Variants in ISL2 observed in about 807,000 individuals in gnomAD.
ISL2 encodes the protein ISL LIM homeobox 2.
Under a neutral mutation model 34.6 loss-of-function variants are expected in ISL2, and 17 were observed. The ratio of observed to expected loss-of-function variants is 0.49; its 90% CI spans 0.34 to 0.74. The LOEUF is 0.74. Among genes scored for constraint, ISL2 ranks in the 30% least tolerant of loss-of-function variants. The probability of loss-of-function intolerance (pLI) is 0.01; values close to 1 mark genes in which losing one functional copy is unlikely to be tolerated. For synonymous variants in ISL2, 232 were observed against 225.5 expected, an observed-to-expected ratio of 1.03 and a Z score of -0.26; for missense variants, 469 against 515.2, an observed-to-expected ratio of 0.91 and a Z score of 0.87.
Position 76,336,889 on chromosome 15 carries a change from G to A in ISL2, c.6G>A (p.Val2=). Residue 2 remains valine, a synonymous_variant, in exon 1 of 6, where the codon GTG becomes GTA. Coordinates refer to ENST00000290759, the MANE Select transcript of ISL2 (RefSeq NM_145805.3). ...GCGCACATCTCTTTTTCTGCATGGT[G>A]GATATTATTTTTCATTATCCTTTTC... M[V]DIIFHYPFLG... is the part of the protein sequence containing the mutation. 1.9e-6 allele frequency: 3 copies of A among 1,613,172 alleles called. No individual in the cohort carries two copies. The highest frequency in any genetic ancestry group is 2.5e-6 in the Non-Finnish European group (3 of 1,179,132).
chr15:76,340,095 A>C, intron 3 of ISL2, 181 bp from the exon 4 acceptor site: 1 of 1,408,564 alleles, frequency 7.1e-7, no homozygotes, highest in Non-Finnish European at 9.2e-7. Flanking sequence ...AAAGAACGAA[A>C]ATGCACAGCT....
rs2040199062 is a variant in ISL2 at position 76,342,095 on chromosome 15, C to CCT, written c.*264_*265dup. 1 of 338,942 alleles carries CCT rather than the reference C, an allele frequency of 3.0e-6. No individual in the cohort carries two copies. Among genetic ancestry groups the CCT allele is most frequent in the Non-Finnish European group, 5.4e-6 (1 of 183,926 alleles). 21.0% of individuals were successfully genotyped at this position (338,942 alleles called of 1,614,324 possible). ...TGGGACTTACCAGGGTTAGCTCTGC[C>CCT]CTCTCCTCTCCTCTCTACGTGGCCG... On this transcript the variant is annotated 3_prime_UTR_variant, in exon 6 of 6. Transcript: ENST00000290759.
At position 76,341,125 on chromosome 15, in the gene ISL2, G is replaced by A. The variant is rs770560245; in HGVS notation, c.796-9G>A. On this transcript the variant is annotated splice_polypyrimidine_tract_variant and intron_variant, in intron 4 of 5. Coordinates refer to ENST00000290759, the MANE Select transcript of ISL2 (RefSeq NM_145805.3). ...CTCGAGCACCTACTGCCTTCTGCTT[G>A]CCCCGCAGAGCCTTCAGGGACTGAC... The A allele has an allele frequency of 1.9e-6, 3 of 1,555,240 alleles. No homozygotes were observed. In the South Asian group the frequency reaches 3.6e-5, roughly 19 times the overall value.
chr15:76,341,794 GAC>G lies in ISL2; in HGVS notation c.1042_1043del (p.Thr348ProfsTer147). On this transcript the variant is annotated frameshift_variant, in exon 6 of 6. Transcript: ENST00000290759. LOFTEE classifies it high-confidence loss of function. ...DVTSLSSQLP[D>X]TPNSMVPSPV... ...GACCTCCCTGTCCTCGCAGCTCCCG[GAC>G]ACCCCCAACAGTATGGTGCCGAGTC... 1 of 1,613,816 alleles carries G rather than the reference GAC, an allele frequency of 6.2e-7. No homozygotes were observed. Among genetic ancestry groups the G allele is most frequent in the Non-Finnish European group, 8.5e-7 (1 of 1,180,010 alleles).
chr15:76,339,182 G>T (rs1266964787), intron 3 of ISL2: 1 of 985,262 alleles, frequency 1.0e-6, no homozygotes, highest in East Asian at 1.1e-4. Context: ...CTCCACCCCA[G>T]GCAAGGCAGT....
rs747168280 is a variant in ISL2 at position 76,336,893 on chromosome 15, A to G, written c.10A>G (p.Ile4Val). 6.2e-7 allele frequency: 1 copy of G among 1,613,004 alleles called. No homozygotes were observed. Among genetic ancestry groups the G allele is most frequent in the South Asian group, 1.1e-5 (1 of 91,064 alleles). Reference sequence around the variant, plus strand: ...ACATCTCTTTTTCTGCATGGTGGATATTATTTTTCATTATCCTTTTCTGGG... The same window carrying G: ...ACATCTCTTTTTCTGCATGGTGGATGTTATTTTTCATTATCCTTTTCTGGG... MVDIIFHYPFLGAM... is the reference protein window; with the variant it reads MVDVIFHYPFLGAM... Residue 4 changes from isoleucine (I) to valine (V), a missense_variant, in exon 1 of 6, where the codon ATT (isoleucine) becomes GTT (valine). Ile to Val is a conservative substitution (Grantham distance 29, BLOSUM62 3). Transcript: ENST00000290759.
In ISL2 at chr15:76,337,837, C is replaced by T. The variant is rs1395054476; in HGVS notation, c.118C>T (p.Leu40=). The change falls in exon 2 of 6, where the codon CTG becomes TTG. Residue 40 remains leucine (L), a synonymous_variant. Coordinates refer to ENST00000290759, the MANE Select transcript of ISL2 (RefSeq NM_145805.3). ...GAGTCAGATCCACGACCAGTTTATC[C>T]TGCGGGTGTCGCCCGACCTCGAGTG... is the stretch of plus-strand genomic sequence containing the variant. ...CGSQIHDQFI[L]RVSPDLEWHA... 9.9e-6 allele frequency: 16 copies of T among 1,612,292 alleles called. No individual in the cohort carries two copies. The highest frequency in any genetic ancestry group is 1.4e-5 in the Non-Finnish European group (16 of 1,179,480).
At chr15:76,337,733 T>TCC in intron 1 of ISL2, 45 bp from the exon 2 acceptor site, 1 of 1,494,630 alleles carries the variant, frequency 6.7e-7, no homozygotes, top group Non-Finnish European at 9.0e-7. Context: ...CCGGCCTGGG[T>TCC]CCGGGCAGTC....
chr15:76,338,116 G>C, intron 2 of ISL2, 136 bp from the exon 3 acceptor site: 4 of 1,359,654 alleles, frequency 2.9e-6, no homozygotes, highest in Non-Finnish European at 3.8e-6. Context: ...CCCGGGCCCG[G>C]GAATGCCCGC....
chr15:76,340,270 T>C lies in ISL2; in HGVS notation c.512-6T>C. 1 of 1,593,462 alleles carries C rather than the reference T, an allele frequency of 6.3e-7. No individual in the cohort carries two copies. Among genetic ancestry groups the C allele is most frequent in the East Asian group, 2.2e-5 (1 of 44,568 alleles). ...GCTAACCTCTGGCCTCACCCTGTCC[T>C]GGCAGACGCTGGGTCGGGCCGGCAG... On this transcript the variant is annotated splice_polypyrimidine_tract_variant and splice_region_variant and intron_variant, in intron 3 of 5. Transcript: ENST00000290759.
At chr15:76,340,088 G>C in intron 3 of ISL2, 188 bp from the exon 4 acceptor site, 2 of 1,405,804 alleles carry the variant, frequency 1.4e-6, no homozygotes, top group Non-Finnish European at 1.8e-6. Flanking sequence ...GCGAGAGAAA[G>C]AACGAAAATG....
intron 3 of ISL2, 59 bp from the exon 4 acceptor site, chr15:76,340,217 G>C: frequency 6.8e-7 from 1 of 1,476,576 alleles, no homozygotes. Context: ...CGGAGGTTGG[G>C]CTCGGGGCGG....
intron 3 of ISL2, chr15:76,339,464 A>T: frequency 1.0e-6 from 1 of 985,586 alleles, no homozygotes; most frequent in Non-Finnish European, 1.2e-6. Flanking sequence ...GCGGGTATTC[A>T]GTGCACCCCC....
chr15:76,340,268 C>A lies in ISL2; in HGVS notation c.512-8C>A. 3.1e-6 allele frequency: 5 copies of A among 1,591,434 alleles called. No individual in the cohort carries two copies. The highest frequency in any genetic ancestry group is 4.3e-6 in the Non-Finnish European group (5 of 1,171,304). On this transcript the variant is annotated splice_polypyrimidine_tract_variant and splice_region_variant and intron_variant, in intron 3 of 5. Transcript: ENST00000290759. ...TCGCTAACCTCTGGCCTCACCCTGTCCTGGCAGACGCTGGGTCGGGCCGGC... is the reference window on the plus strand; with the variant it reads ...TCGCTAACCTCTGGCCTCACCCTGTACTGGCAGACGCTGGGTCGGGCCGGC...
rs888237494 is a variant in ISL2 at position 76,341,977 on chromosome 15, G to A, written c.*142G>A. On this transcript the variant is annotated 3_prime_UTR_variant, in exon 6 of 6. Coordinates refer to ENST00000290759, the MANE Select transcript of ISL2 (RefSeq NM_145805.3). The stretch of plus-strand genomic sequence containing the variant: ...TTTATGAGAGAGTACCGAGAGACAC[G>A]GTCTGGACAGCCCAAGGCGCCAGGA... 3 of 651,302 alleles carry A rather than the reference G, an allele frequency of 4.6e-6. No homozygotes were observed. Among genetic ancestry groups the A allele is most frequent in the African/African-American group, 3.6e-5 (2 of 55,880 alleles). The allele number at this position is 651,302 out of a possible 1,614,324, so 40.3% of individuals were successfully genotyped here. A position where few individuals can be genotyped will look rare whatever the true frequency, so the allele number is the denominator to read the frequency against.
At chr15:76,339,770 G>C (rs2040179895) in intron 3 of ISL2, 1 of 992,650 alleles carries the variant, frequency 1.0e-6, no homozygotes. Flanking sequence ...CTGTCCAAAT[G>C]GGCTCTGAAG....
At chr15:76,339,995 C>T in intron 3 of ISL2, 8 of 1,281,058 alleles carry the variant, frequency 6.2e-6, no homozygotes, top group Non-Finnish European at 7.9e-6. Flanking sequence ...AGCAGCCACT[C>T]CCTCCCCGCA....
chr15:76,340,395 G>A lies in ISL2; in HGVS notation c.631G>A (p.Ala211Thr). The A allele has an allele frequency of 6.2e-7, 1 of 1,613,642 alleles. No homozygotes were observed. Among genetic ancestry groups the A allele is most frequent in the South Asian group, 1.1e-5 (1 of 91,068 alleles). The change falls in exon 4 of 6, where the codon GCC becomes ACC. Residue 211 changes from alanine (A) to threonine (T), a missense_variant. Ala to Thr is a moderately conservative substitution (Grantham distance 58, BLOSUM62 0). This residue lies in a region of ISL2 where 297 missense variants were observed against 337.8 expected (regional missense o/e 0.88). Transcript: ENST00000290759. ...KQLHTLRTCY[A>T]ANPRPDALMK... ...GCTGCACACTCTGCGGACCTGCTACGCCGCCAACCCGCGGCCCGACGCTCT... is the reference window on the plus strand; with the variant it reads ...GCTGCACACTCTGCGGACCTGCTACACCGCCAACCCGCGGCCCGACGCTCT...
chr15:76,338,160 A>G, intron 2 of ISL2, 92 bp from the exon 3 acceptor site: 1 of 1,453,452 alleles, frequency 6.9e-7, no homozygotes, highest in Non-Finnish European at 9.1e-7. Flanking sequence ...GTGGCCACAA[A>G]GTGTCCTGGG....
Sources: allele counts gnomAD v4.1 joint callset, GRCh38; gene constraint gnomAD v4.1.1; regional missense constraint gnomAD v4.1.1; transcripts MANE v1.5; gene names NCBI Gene and HGNC (gene_info 2026-07-23, HGNC 2026-07-21).